Variants in AKR7A3 observed in about 807,000 individuals in gnomAD.
The protein encoded by AKR7A3 is aldo-keto reductase family 7 member A3.
AKR7A3 carries 37 observed loss-of-function variants against 32.5 expected under a neutral mutation model. The ratio of observed to expected loss-of-function variants is 1.14; its 90% CI spans 0.88 to 1.50. AKR7A3 has a LOEUF of 1.50. Among genes scored for constraint, AKR7A3 ranks in the 40% most tolerant of loss-of-function variants. AKR7A3 has a pLI of 0.00. For synonymous variants in AKR7A3, 177 were observed against 188.4 expected, an observed-to-expected ratio of 0.94 and a Z score of 0.50; for missense variants, 412 against 453.2, an observed-to-expected ratio of 0.91 and a Z score of 0.83.
At chr1:19,277,956 C>T (rs577168481), downstream of AKR7A3, among the ~76,000 whole-genome samples, 8 of 152,058 alleles carry the variant, frequency 5.3e-5, no homozygotes, top group South Asian at 2.1e-4. Flanking sequence ...CTCTGAAGCA[C>T]GAACATTCTA....
chr1:19,285,000 C>T lies in AKR7A3; in HGVS notation c.604+18G>A, dbSNP rs370409836. On this transcript the variant is annotated intron_variant, in intron 4 of 6. Transcript: ENST00000361640. ...GGTCGGGAATAGGCTGAGACAGGGCCAGGAATGCTCCACGTACCAGCCAGA... is the reference window on the plus strand; with the variant it reads ...GGTCGGGAATAGGCTGAGACAGGGCTAGGAATGCTCCACGTACCAGCCAGA... 8.4e-5 allele frequency: 135 copies of T among 1,611,950 alleles called. No individual in the cohort carries two copies. The highest frequency in any genetic ancestry group is 1.1e-4 in the Non-Finnish European group (127 of 1,179,856).
downstream of AKR7A3, among the ~76,000 whole-genome samples, chr1:19,282,207 GGT>G (rs1380536507): frequency 2.0e-5 from 3 of 151,842 alleles, no homozygotes; most frequent in Non-Finnish European, 2.9e-5. Context: ...CAATGTTAGA[GGT>G]GAGCCTGGTG....
At chr1:19,283,872 T>C in intron 6 of AKR7A3, 124 bp downstream of exon 6, 3 of 1,486,170 alleles carry the variant, frequency 2.0e-6, no homozygotes, top group Non-Finnish European at 2.7e-6. Context: ...GGAAGAATGT[T>C]TGTGAGAGTT....
At chr1:19,274,244 TC>T in the AKR7A3 span, 1 of 1,317,680 alleles carries the variant, frequency 7.6e-7, no homozygotes, top group Non-Finnish European at 9.8e-7. Flanking sequence ...CGCGCTGGAC[TC>T]CGCTCTCAAC....
In AKR7A3 at chr1:19,288,686, G is replaced by A. The variant is rs2093735674; in HGVS notation, c.24C>T (p.Ala8=). Residue 8 remains alanine (A), a synonymous_variant, in exon 1 of 7, where the codon GCC becomes GCT. Coordinates refer to ENST00000361640, the MANE Select transcript of AKR7A3 (RefSeq NM_012067.3). MSRQLSR[A]RPATVLGAME... ...TGGCGCCCAGCACCGTGGCTGGCCGGGCCCGCGACAGCTGCCGGGACATGA... is the reference window on the plus strand; with the variant it reads ...TGGCGCCCAGCACCGTGGCTGGCCGAGCCCGCGACAGCTGCCGGGACATGA... 5 of 1,515,762 alleles carry A rather than the reference G, an allele frequency of 3.3e-6. No homozygotes were observed. The highest frequency in any genetic ancestry group is 3.5e-6 in the Non-Finnish European group (4 of 1,133,284). 93.9% of individuals were successfully genotyped at this position (1,515,762 alleles called of 1,614,324 possible).
At chr1:19,275,002 GA>G in the AKR7A3 span, among the ~76,000 whole-genome samples, 1 of 148,396 alleles carries the variant, frequency 6.7e-6, no homozygotes, top group Non-Finnish European at 1.5e-5. Context: ...AAATATAAAT[GA>G]AAAAATGCTT....
At position 19,288,759 on chromosome 1, in the gene AKR7A3, C is replaced by T; in HGVS notation, c.-50G>A. ...CAGCCCAGGAGCCGCGCGCAGCGGT[C>T]GGAAGCACCAGGCTCGGAGCGGGCG... On this transcript the variant is annotated 5_prime_UTR_variant, in exon 1 of 7. Coordinates refer to ENST00000361640, the MANE Select transcript of AKR7A3 (RefSeq NM_012067.3). The T allele has an allele frequency of 1.4e-6, 2 of 1,412,564 alleles. No homozygotes were observed. Among genetic ancestry groups the T allele is most frequent in the Non-Finnish European group, 1.8e-6 (2 of 1,088,122 alleles). The allele number at this position is 1,412,564 out of a possible 1,614,324, so 87.5% of individuals were successfully genotyped here.
chr1:19,284,605 T>C (rs1024442888), intron 5 of AKR7A3, 81 bp downstream of exon 5: 5 of 1,444,208 alleles, frequency 3.5e-6, no homozygotes, highest in East Asian at 2.3e-5. Flanking sequence ...GGAAAGGCCT[T>C]ACCCCAGGAG....
the AKR7A3 span, among the ~76,000 whole-genome samples, chr1:19,276,426 A>ATT: frequency 2.0e-5 from 3 of 151,620 alleles, no homozygotes; most frequent in Non-Finnish European, 2.9e-5. Flanking sequence ...CATGAATGGA[A>ATT]TATCCAACAA....
chr1:19,281,837 C>T (rs780365710), downstream of AKR7A3, among the ~76,000 whole-genome samples: 4 of 151,944 alleles, frequency 2.6e-5, no homozygotes, highest in South Asian at 2.1e-4. Flanking sequence ...TACATTTTCA[C>T]GCCTGCCCTA....
At chr1:19,282,549 C>A, downstream of AKR7A3, 2 of 1,038,030 alleles carry the variant, frequency 1.9e-6, no homozygotes, top group South Asian at 1.6e-5. Context: ...TATAGCAACG[C>A]AAACAGACTA....
chr1:19,285,131 C>A lies in AKR7A3; in HGVS notation c.508-17G>T, dbSNP rs748360363. ...GTACATGCCCTGTAAGGAGAGGGGC[C>A]CCGGGGGAGAGGGTGGATGTGTCAA... On this transcript the variant is annotated splice_polypyrimidine_tract_variant and intron_variant, in intron 3 of 6. Coordinates refer to ENST00000361640, the MANE Select transcript of AKR7A3 (RefSeq NM_012067.3). The A allele has an allele frequency of 6.2e-7, 1 of 1,613,138 alleles. No individual in the cohort carries two copies. The highest frequency in any genetic ancestry group is 8.5e-7 in the Non-Finnish European group (1 of 1,179,536).
chr1:19,280,344 A>G (rs2093716844), downstream of AKR7A3, among the ~76,000 whole-genome samples: 1 of 146,508 alleles, frequency 6.8e-6, no homozygotes, highest in Non-Finnish European at 1.5e-5. Flanking sequence ...CCTGGGTTCA[A>G]GTGATTCCGG....
intron 6 of AKR7A3, among the ~76,000 whole-genome samples, chr1:19,283,669 C>A (rs1287333995): frequency 2.0e-5 from 3 of 151,740 alleles, no homozygotes; most frequent in East Asian, 3.9e-4. Flanking sequence ...GTCTCTACTA[C>A]AAATACAAAC....
chr1:19,286,808 A>G (rs557021645), intron 1 of AKR7A3, among the ~76,000 whole-genome samples: 18 of 151,980 alleles, frequency 1.2e-4, no homozygotes, highest in Admixed American at 5.9e-4. Context: ...GCAGGAGGGC[A>G]GTCACTGGAG....
In AKR7A3 at chr1:19,285,879, G is replaced by A. The variant is rs1569654808; in HGVS notation, c.507+9C>T. The A allele has an allele frequency of 5.6e-6, 9 of 1,613,624 alleles. No homozygotes were observed. The highest frequency in any genetic ancestry group is 7.6e-6 in the Non-Finnish European group (9 of 1,179,864). On this transcript the variant is annotated intron_variant, in intron 3 of 6. Coordinates refer to ENST00000361640, the MANE Select transcript of AKR7A3 (RefSeq NM_012067.3). ...TGGAGACCTTGGCCTCTGCAGCCCT[G>A]GCTCTCACCTGGTACACAGTGGGCA...
the AKR7A3 span, among the ~76,000 whole-genome samples, chr1:19,274,899 C>CAAAAAAAAAAAAAAAAAAAAAAA: frequency 3.4e-3 from 149 of 44,170 alleles, 19 homozygotes; most frequent in Middle Eastern, 0.019. Context: ...TCTCTAAATA[C>CAAAAAAAAAAAAAAAAAAAAAAA]AAAAAAAAAA....
At chr1:19,279,901 C>G (rs2093716262), downstream of AKR7A3, among the ~76,000 whole-genome samples, 1 of 151,366 alleles carries the variant, frequency 6.6e-6, no homozygotes, top group Non-Finnish European at 1.5e-5. Context: ...ATAAACTTTC[C>G]CAAAACATTA....
At chr1:19,287,569 T>TC (rs1250136034) in intron 1 of AKR7A3, among the ~76,000 whole-genome samples, 26 of 151,780 alleles carry the variant, frequency 1.7e-4, no homozygotes, top group Non-Finnish European at 4.4e-5. Context: ...GCACTGCAAA[T>TC]GGCATCAGAC....
Sources: allele counts gnomAD v4.1 joint callset (sites outside exome capture counted in the v4.1 genomes callset), GRCh38; gene constraint gnomAD v4.1.1; transcripts MANE v1.5; gene names NCBI Gene and HGNC (gene_info 2026-07-23, HGNC 2026-07-21).